GBE1: variants seen among roughly 807,000 people sequenced by gnomAD.
The protein encoded by GBE1 is 1,4-alpha-glucan branching enzyme 1, also known as 1,4-alpha-glucan-branching enzyme.
GBE1 carries 70 observed loss-of-function variants against 88.8 expected under a neutral mutation model. That is an observed-to-expected ratio of 0.79 (90% CI 0.65 to 0.96). The LOEUF (loss-of-function observed/expected upper bound fraction) is 0.96, where lower values mean the gene tolerates loss of function less well. Ranked by LOEUF, GBE1 falls within the 40% of genes least tolerant of loss-of-function variation. The pLI is 0.00. For missense variants in GBE1, 872 were observed against 871.0 expected, an observed-to-expected ratio of 1.00 and a Z score of -0.01; for synonymous variants, 284 against 300.1, an observed-to-expected ratio of 0.95 and a Z score of 0.56.
chr3:81,563,591 C>T (rs978077490), intron 12 of GBE1, among the ~76,000 whole-genome samples: 12 of 152,000 alleles, frequency 7.9e-5, no homozygotes, highest in African/African-American at 2.4e-4. Context: ...GCAATCTATT[C>T]CCCTGCACCA....
intron 7 of GBE1, among the ~76,000 whole-genome samples, chr3:81,595,111 C>T (rs913980557): frequency 1.2e-4 from 18 of 146,574 alleles, no homozygotes; most frequent in Admixed American, 2.7e-4. Flanking sequence ...CTTTGAGTTT[C>T]GAAAATTTAC....
chr3:81,712,448 C>A (rs971962858), intron 1 of GBE1, among the ~76,000 whole-genome samples: 36 of 152,112 alleles, frequency 2.4e-4, no homozygotes, highest in Non-Finnish European at 4.7e-4. Flanking sequence ...CACATATACA[C>A]CATGGAATAC....
chr3:81,585,589 T>C (rs538874210), intron 10 of GBE1, among the ~76,000 whole-genome samples: 5 of 152,278 alleles, frequency 3.3e-5, no homozygotes, highest in Non-Finnish European at 1.5e-5. Flanking sequence ...ATGTGCAAAG[T>C]ACCATGTACA....
At chr3:81,718,712 C>T (rs1350754267) in intron 1 of GBE1, among the ~76,000 whole-genome samples, 1 of 152,130 alleles carries the variant, frequency 6.6e-6, no homozygotes, top group Admixed American at 6.6e-5. Flanking sequence ...TCTTGGCTCA[C>T]CGCAACCTCC....
intron 1 of GBE1, among the ~76,000 whole-genome samples, chr3:81,708,367 A>T (rs1705807021): frequency 6.6e-6 from 1 of 152,078 alleles, no homozygotes; most frequent in Admixed American, 6.5e-5. Flanking sequence ...ATATTTTAAA[A>T]ATAAGTAAGT....
At chr3:81,554,292 G>A (rs1480749473) in intron 12 of GBE1, among the ~76,000 whole-genome samples, 1 of 152,200 alleles carries the variant, frequency 6.6e-6, no homozygotes, top group African/African-American at 2.4e-5. Flanking sequence ...TTGTAAAAAT[G>A]TATAAATGTT....
chr3:81,508,156 A>G (rs1183393553), intron 14 of GBE1, among the ~76,000 whole-genome samples: 2 of 152,212 alleles, frequency 1.3e-5, no homozygotes, highest in Non-Finnish European at 2.9e-5. Context: ...TGGTAATACA[A>G]AATTTTGAGT....
At chr3:81,689,785 A>G (rs1705492975) in intron 2 of GBE1, among the ~76,000 whole-genome samples, 1 of 152,136 alleles carries the variant, frequency 6.6e-6, no homozygotes, top group Non-Finnish European at 1.5e-5. Flanking sequence ...CGGGAGAGGT[A>G]TGCTCTGTGG....
At chr3:81,567,274 T>C (rs899066316) in intron 12 of GBE1, among the ~76,000 whole-genome samples, 3 of 152,202 alleles carry the variant, frequency 2.0e-5, no homozygotes, top group African/African-American at 7.2e-5. Context: ...GTCTTCTTTT[T>C]TCCCTATCAT....
intron 14 of GBE1, among the ~76,000 whole-genome samples, chr3:81,500,317 A>C (rs1005098589): frequency 1.3e-5 from 2 of 152,186 alleles, no homozygotes; most frequent in Admixed American, 1.3e-4. Flanking sequence ...AAAGTCACTC[A>C]ATATAGCTGA....
At chr3:81,499,680 A>G (rs1350555018) in intron 14 of GBE1, among the ~76,000 whole-genome samples, 1 of 152,188 alleles carries the variant, frequency 6.6e-6, no homozygotes, top group African/African-American at 2.4e-5. Flanking sequence ...TACTAAATAC[A>G]TACAGTCAGT....
chr3:81,642,549 A>G, intron 7 of GBE1: 1 of 379,534 alleles, frequency 2.6e-6, no homozygotes, highest in Non-Finnish European at 4.7e-6. Flanking sequence ...ATGATTATAT[A>G]ACCAATATAT....
At chr3:81,603,898 A>C (rs577034391) in intron 7 of GBE1, among the ~76,000 whole-genome samples, 5 of 152,240 alleles carry the variant, frequency 3.3e-5, no homozygotes, top group Non-Finnish European at 7.3e-5. Flanking sequence ...ACTAGAATAC[A>C]GACACAAAAG....
chr3:81,706,112 G>C (rs1390917377), intron 1 of GBE1, among the ~76,000 whole-genome samples: 1 of 152,154 alleles, frequency 6.6e-6, no homozygotes, highest in Non-Finnish European at 1.5e-5. Flanking sequence ...ACAGCTACTC[G>C]AGGGTGTCTC....
At chr3:81,533,092 C>T (rs927860567) in intron 14 of GBE1, among the ~76,000 whole-genome samples, 12 of 152,050 alleles carry the variant, frequency 7.9e-5, no homozygotes, top group Non-Finnish European at 1.8e-4. Context: ...TCAAGGAAAG[C>T]GCTGCAAAGA....
chr3:81,624,235 A>G (rs1436592427), intron 7 of GBE1, among the ~76,000 whole-genome samples: 2 of 152,142 alleles, frequency 1.3e-5, no homozygotes, highest in African/African-American at 4.8e-5. Context: ...GAACTCACTC[A>G]CTATCATGAG....
chr3:81,761,392 G>A lies in GBE1; in HGVS notation c.126C>T (p.Ala42=), dbSNP rs770557047. The change falls in exon 1 of 16, where the codon GCC becomes GCT. Residue 42 remains alanine (A), a synonymous_variant. Coordinates refer to ENST00000429644, the MANE Select transcript of GBE1 (RefSeq NM_000158.4). ...LEIDPYLKPY[A]VDFQRRYKQF... is the part of the protein sequence containing the mutation. ...GGCGGTACCTGCGCTGGAAGTCCAC[G>A]GCGTAGGGCTTCAAGTACGGGTCGA... is the stretch of plus-strand genomic sequence containing the variant. The A allele has an allele frequency of 3.1e-6, 5 of 1,609,858 alleles. No homozygotes were observed. The South Asian group carries it at 3.3e-5, about 11-fold the overall frequency.
intron 14 of GBE1, among the ~76,000 whole-genome samples, chr3:81,533,035 T>TA (rs1703030336): frequency 6.6e-6 from 1 of 151,906 alleles, no homozygotes; most frequent in East Asian, 2.0e-4. Flanking sequence ...CATTAAGACT[T>TA]ACGTCGCAGT....
At chr3:81,507,148 A>T (rs988552361) in intron 14 of GBE1, among the ~76,000 whole-genome samples, 1 of 151,998 alleles carries the variant, frequency 6.6e-6, no homozygotes, top group Non-Finnish European at 1.5e-5. Context: ...CTTTATGATT[A>T]TATTTCTTTC....
Sources: gnomAD v4.1 joint callset for allele counts (sites outside exome capture counted in the v4.1 genomes callset) on GRCh38, gnomAD v4.1.1 for gene constraint, MANE v1.5 for transcripts, NCBI Gene and HGNC (gene_info 2026-07-23, HGNC 2026-07-21) for gene names.